The following CHRM5 variants were observed in gnomAD, a reference collection of about 807,000 sequenced individuals.
CHRM5 encodes the protein cholinergic receptor muscarinic 5, also known as muscarinic acetylcholine receptor M5.
CHRM5 carries 18 observed loss-of-function variants against 39.0 expected under a neutral mutation model. That is an observed-to-expected ratio of 0.46 (90% CI 0.32 to 0.68). CHRM5 has a LOEUF of 0.68. Ranked by LOEUF, CHRM5 falls within the 30% of genes least tolerant of loss-of-function variation. The probability of loss-of-function intolerance (pLI) is 0.04; values close to 1 mark genes in which losing one functional copy is unlikely to be tolerated. For synonymous variants in CHRM5, 241 were observed against 246.3 expected (o/e 0.98, Z 0.20); for missense variants, 515 against 651.1 (o/e 0.79, Z 2.28).
At chr15:34,036,491 G>C (rs1899133050) in intron 1 of CHRM5, among the ~76,000 whole-genome samples, 1 of 152,140 alleles carries the variant, frequency 6.6e-6, no homozygotes, top group African/African-American at 2.4e-5. Flanking sequence ...TGCACCATGG[G>C]ATATGAGAAC....
At position 33,989,175 on chromosome 15, in the gene CHRM5, G is replaced by C. The variant is rs554650752; in HGVS notation, c.-408+20025G>C. 3.3e-4 allele frequency among the ~76,000 whole-genome samples: 50 copies of C among 152,090 alleles called. 2 individuals carry two copies. In the South Asian group the frequency reaches 0.01, roughly 31 times the overall value. ...ACACACAAAAAAGCTAAATAAAAGA[G>C]AAGATGAGTTAATGATCATTTATTT... On this transcript the variant is annotated intron_variant, in intron 1 of 2. Transcript: ENST00000383263.
intron 1 of CHRM5, among the ~76,000 whole-genome samples, chr15:33,982,353 C>A (rs1484508718): frequency 6.6e-6 from 1 of 152,080 alleles, no homozygotes; most frequent in African/African-American, 2.4e-5. Flanking sequence ...CCATCCCAAT[C>A]CAAACCCTAG....
At chr15:34,059,054 G>A (rs950554635) in intron 2 of CHRM5, among the ~76,000 whole-genome samples, 2 of 149,338 alleles carry the variant, frequency 1.3e-5, no homozygotes, top group Admixed American at 6.6e-5. Context: ...ACACCACCAT[G>A]CCCAGCTAAC....
chr15:34,053,217 T>C (rs2140830238), intron 2 of CHRM5, among the ~76,000 whole-genome samples: 1 of 147,906 alleles, frequency 6.8e-6, no homozygotes, highest in South Asian at 2.1e-4. Context: ...GGAGAATTGC[T>C]TGAACCCAGG....
intron 1 of CHRM5, among the ~76,000 whole-genome samples, chr15:33,981,113 T>A (rs1896123270): frequency 6.6e-6 from 1 of 152,192 alleles, no homozygotes; most frequent in African/African-American, 2.4e-5. Context: ...CAACCCCTCT[T>A]AATTTTCTCT....
At chr15:34,046,999 G>A (rs1210476044) in intron 2 of CHRM5, 128 bp downstream of exon 2, 1 of 152,224 alleles carries the variant, frequency 6.6e-6, no homozygotes, top group African/African-American at 2.4e-5. Context: ...AGAGCTGTGC[G>A]GAGTTTCAGC....
chr15:34,038,217 G>A (rs1899244289), intron 1 of CHRM5, among the ~76,000 whole-genome samples: 1 of 152,176 alleles, frequency 6.6e-6, no homozygotes, highest in Non-Finnish European at 1.5e-5. Context: ...AAAGAACTAT[G>A]CATCTGGTCC....
intron 1 of CHRM5, among the ~76,000 whole-genome samples, chr15:34,013,711 C>A (rs1277743318): frequency 6.6e-6 from 1 of 151,964 alleles, no homozygotes; most frequent in Non-Finnish European, 1.5e-5. Flanking sequence ...CAAGATGTTA[C>A]GGAAGCACAG....
chr15:34,037,563 TAATA>T (rs780091618), intron 1 of CHRM5, among the ~76,000 whole-genome samples: 1 of 149,258 alleles, frequency 6.7e-6, no homozygotes, highest in Non-Finnish European at 1.5e-5. Flanking sequence ...TATATATATA[TAATA>T]GAGTTATAAG....
intron 1 of CHRM5, among the ~76,000 whole-genome samples, chr15:34,015,488 T>TA (rs61057225): frequency 0.13 from 19,063 of 150,244 alleles, 1,569 homozygotes; most frequent in African/African-American, 0.22. Flanking sequence ...TCTCAAAAAA[T>TA]AAAAAAAAAT....
At chr15:34,039,052 C>G (rs1899330674) in intron 1 of CHRM5, 1 of 1,102,714 alleles carries the variant, frequency 9.1e-7, no homozygotes, top group South Asian at 4.2e-5. Flanking sequence ...TGCATCTGGC[C>G]GCCGCTGGCG....
rs1261126900 is a variant in CHRM5, at chr15:34,053,363, A to G, written c.-76+6492A>G. On this transcript the variant is annotated intron_variant, in intron 2 of 2. Transcript: ENST00000383263. ...ATATATGGAACTGAAAAGAACCCAT[A>G]TAGCCAAGATAATCCGAAGGAAAAA... Among the ~76,000 whole-genome samples, 3 of 146,718 alleles carry G rather than the reference A, an allele frequency of 2.0e-5. No homozygotes were observed. The East Asian group carries it at 5.9e-4, about 29-fold the overall frequency.
chr15:33,992,373 G>A (rs1222906067), intron 1 of CHRM5, among the ~76,000 whole-genome samples: 2 of 150,658 alleles, frequency 1.3e-5, no homozygotes, highest in Non-Finnish European at 2.9e-5. Flanking sequence ...CTGCGCGACA[G>A]ATCAGGACTC....
intron 2 of CHRM5, among the ~76,000 whole-genome samples, chr15:34,050,419 G>C (rs928169153): frequency 2.6e-5 from 4 of 152,172 alleles, no homozygotes; most frequent in Non-Finnish European, 5.9e-5. Flanking sequence ...ACAGACCAGT[G>C]ACATTATGAA....
chr15:34,011,692 A>T (rs1897645178), intron 1 of CHRM5, among the ~76,000 whole-genome samples: 1 of 152,130 alleles, frequency 6.6e-6, no homozygotes, highest in African/African-American at 2.4e-5. Context: ...TCAACCACTC[A>T]TCTCACAGGC....
chr15:34,009,222 A>T (rs1473535838), intron 1 of CHRM5, among the ~76,000 whole-genome samples: 1 of 152,218 alleles, frequency 6.6e-6, no homozygotes, highest in African/African-American at 2.4e-5. Context: ...AACGTAAGAA[A>T]ATTTGCTCTA....
At position 33,971,681 on chromosome 15, in the gene CHRM5, C is replaced by A. The variant is rs1198570021; in HGVS notation, c.-408+2531C>A. ...GCATTAAATATATATTTACTTATAT[C>A]TTCATTATTATAACTTTAAGTTTTC... On this transcript the variant is annotated intron_variant, in intron 1 of 2. Coordinates refer to ENST00000383263, the MANE Select transcript of CHRM5 (RefSeq NM_012125.4). 2.0e-5 allele frequency among the ~76,000 whole-genome samples: 3 copies of A among 152,012 alleles called. No individual in the cohort carries two copies. In the South Asian group the frequency reaches 6.2e-4, roughly 32 times the overall value.
At chr15:33,990,816 G>GA (rs1327488439) in intron 1 of CHRM5, 9 of 152,210 alleles carry the variant, frequency 5.9e-5, no homozygotes, top group African/African-American at 1.9e-4. Flanking sequence ...GACTAAATTG[G>GA]ATGAAAGCTG....
chr15:34,001,283 A>G (rs1289840838), intron 1 of CHRM5, among the ~76,000 whole-genome samples: 1 of 152,132 alleles, frequency 6.6e-6, no homozygotes, highest in Non-Finnish European at 1.5e-5. Context: ...CGGCCTCCCA[A>G]AGTGCTGGGA....
Sources: allele counts gnomAD v4.1 joint callset (sites outside exome capture counted in the v4.1 genomes callset), GRCh38; gene constraint gnomAD v4.1.1; transcripts MANE v1.5; gene names NCBI Gene and HGNC (gene_info 2026-07-23, HGNC 2026-07-21).